The following TADA2A variants were observed in gnomAD, a reference collection of about 807,000 sequenced individuals.
The protein encoded by TADA2A is transcriptional adaptor 2A.
A neutral mutation model predicts 67.4 loss-of-function variants in TADA2A; 38 were observed. The ratio of observed to expected loss-of-function variants is 0.56; its 90% CI spans 0.44 to 0.74. The LOEUF is 0.74. TADA2A is among the 30% of genes least tolerant of loss of function. The pLI is 0.00. For synonymous variants in TADA2A, 192 were observed against 181.6 expected (o/e 1.06, Z -0.46); for missense variants, 454 against 547.0 (o/e 0.83, Z 1.70).
chr17:37,415,321 A>G (rs1176668928), intron 2 of TADA2A, among the ~76,000 whole-genome samples: 3 of 152,198 alleles, frequency 2.0e-5, no homozygotes. Context: ...ATTAGTTGGT[A>G]GAGGTTGTCC....
intron 8 of TADA2A, among the ~76,000 whole-genome samples, chr17:37,456,030 C>A (rs2053382009): frequency 6.6e-6 from 1 of 152,062 alleles, no homozygotes; most frequent in Non-Finnish European, 1.5e-5. Context: ...ATGGCGAAAC[C>A]CTGTCTCTAC....
At chr17:37,462,864 G>A (rs1487538617) in intron 10 of TADA2A, among the ~76,000 whole-genome samples, 1 of 152,040 alleles carries the variant, frequency 6.6e-6, no homozygotes. Flanking sequence ...TATTTTGGAT[G>A]GTTATAGACA....
chr17:37,438,008 C>T (rs1324506676), intron 5 of TADA2A, 179 bp downstream of exon 5: 8 of 608,538 alleles, frequency 1.3e-5, no homozygotes, highest in South Asian at 8.2e-5. Flanking sequence ...AAATGTGTCA[C>T]GAGGATATGG....
chr17:37,476,107 G>A (rs1358572981), intron 15 of TADA2A, among the ~76,000 whole-genome samples: 1 of 152,182 alleles, frequency 6.6e-6, no homozygotes, highest in Non-Finnish European at 1.5e-5. Context: ...GGAAGGAAAT[G>A]TATGTAGTAT....
At chr17:37,424,041 C>G (rs540577559) in intron 3 of TADA2A, among the ~76,000 whole-genome samples, 2 of 152,136 alleles carry the variant, frequency 1.3e-5, no homozygotes, top group Non-Finnish European at 2.9e-5. Flanking sequence ...AGCCACCGCA[C>G]CCGGCCCCAA....
chr17:37,427,161 G>A lies in TADA2A; in HGVS notation c.192+152G>A, dbSNP rs183957441. 3.2e-3 allele frequency: 1,827 copies of A among 569,250 alleles called. 9 individuals are homozygous for A. Among genetic ancestry groups the A allele is most frequent in the Admixed American group, 5.0e-3 (121 of 24,002 alleles). 35.3% of individuals were successfully genotyped at this position (569,250 alleles called of 1,614,324 possible). On this transcript the variant is annotated intron_variant, in intron 4 of 15. Coordinates refer to ENST00000615182, the MANE Select transcript of TADA2A (RefSeq NM_001166105.3). ...GTATCTTTACCTTTTCTCCCCTTCG[G>A]AAATAGGTAATTGTTATCCAATAAG...
chr17:37,419,598 G>C (rs903387685), intron 2 of TADA2A, among the ~76,000 whole-genome samples: 2 of 146,234 alleles, frequency 1.4e-5, no homozygotes, highest in African/African-American at 5.0e-5. Context: ...GGGCAACATG[G>C]GAAAACCCCC....
chr17:37,422,653 C>G (rs1487901548), intron 2 of TADA2A, among the ~76,000 whole-genome samples: 1 of 151,982 alleles, frequency 6.6e-6, no homozygotes, highest in Admixed American at 6.6e-5. Context: ...TTATAGGCTG[C>G]GCCCCCATCC....
intron 2 of TADA2A, among the ~76,000 whole-genome samples, chr17:37,421,331 C>G (rs1446370834): frequency 1.4e-5 from 2 of 145,854 alleles, no homozygotes; most frequent in Non-Finnish European, 3.1e-5. Flanking sequence ...GAGCCATGAT[C>G]TCACCACTGC....
chr17:37,467,356 A>G (rs2053687357), intron 11 of TADA2A, 98 bp from the exon 12 acceptor site: 1 of 949,226 alleles, frequency 1.1e-6, no homozygotes, highest in South Asian at 1.5e-5. Flanking sequence ...CCCTAGTCTT[A>G]TAAGGCAGAA....
At chr17:37,467,348 C>T (rs570529011) in intron 11 of TADA2A, 106 bp from the exon 12 acceptor site, 1 of 867,892 alleles carries the variant, frequency 1.2e-6, no homozygotes, top group Non-Finnish European at 1.8e-6. Context: ...ATGAACTTCC[C>T]TAGTCTTATA....
At chr17:37,427,947 A>G (rs1336038703) in intron 4 of TADA2A, among the ~76,000 whole-genome samples, 9 of 151,772 alleles carry the variant, frequency 5.9e-5, no homozygotes, top group Non-Finnish European at 1.2e-4. Flanking sequence ...GCACCACTGC[A>G]CTCCAGCCTG....
At chr17:37,437,434 T>C (rs1012467276) in intron 4 of TADA2A, among the ~76,000 whole-genome samples, 1 of 151,024 alleles carries the variant, frequency 6.6e-6, no homozygotes, top group African/African-American at 2.5e-5. Context: ...ACGCCCAGGC[T>C]GAAGTGTGGT....
At chr17:37,470,954 T>G (rs1034183040) in intron 13 of TADA2A, 140 bp from the exon 14 acceptor site, 7 of 794,042 alleles carry the variant, frequency 8.8e-6, no homozygotes, top group African/African-American at 5.1e-5. Flanking sequence ...CAGTGAGATA[T>G]CTGTAAAACA....
At chr17:37,426,830 A>T (rs2052424510) in intron 3 of TADA2A, 120 bp from the exon 4 acceptor site, 2 of 857,410 alleles carry the variant, frequency 2.3e-6, no homozygotes, top group South Asian at 3.4e-5. Flanking sequence ...GGGTGACAGA[A>T]CGAGACCCTG....
intron 8 of TADA2A, among the ~76,000 whole-genome samples, chr17:37,457,635 T>TACAG (rs1433210014): frequency 1.3e-5 from 2 of 151,714 alleles, no homozygotes; most frequent in African/African-American, 4.8e-5. Flanking sequence ...TAGCTGGGAT[T>TACAG]ACAGGTAACT....
At chr17:37,446,103 G>GT (rs200210448) in intron 8 of TADA2A, among the ~76,000 whole-genome samples, 67 of 116,998 alleles carry the variant, frequency 5.7e-4, no homozygotes, top group Non-Finnish European at 9.1e-4. Context: ...TTTTGGGGGG[G>GT]TTTTTTTTTT....
intron 4 of TADA2A, among the ~76,000 whole-genome samples, chr17:37,435,955 G>A (rs2052712488): frequency 6.6e-6 from 1 of 151,102 alleles, no homozygotes. Flanking sequence ...AGCCCAAAAA[G>A]TCCACCCACC....
Position 37,442,666 on chromosome 17 carries a change from G to T in TADA2A, c.531+14G>T. 1.2e-6 allele frequency: 2 copies of T among 1,610,512 alleles called. No homozygotes were observed. Among genetic ancestry groups the T allele is most frequent in the Non-Finnish European group, 1.7e-6 (2 of 1,178,094 alleles). ...GATTTCATTGAGGTAGGATAAATGT[G>T]TTTTTAGCACAAAGTAGGAAAAATT... On this transcript the variant is annotated intron_variant, in intron 7 of 15. Coordinates refer to ENST00000615182, the MANE Select transcript of TADA2A (RefSeq NM_001166105.3).
Sources: allele counts gnomAD v4.1 joint callset (sites outside exome capture counted in the v4.1 genomes callset), GRCh38; gene constraint gnomAD v4.1.1; transcripts MANE v1.5; gene names NCBI Gene and HGNC (gene_info 2026-07-23, HGNC 2026-07-21).